DNAH10: variants seen among roughly 807,000 people sequenced by gnomAD.
DNAH10 encodes the protein dynein axonemal heavy chain 10.
Under a neutral mutation model 506.6 loss-of-function variants are expected in DNAH10, and 348 were observed. The ratio of observed to expected loss-of-function variants is 0.69; its 90% CI spans 0.63 to 0.75. DNAH10 has a LOEUF of 0.75. Among genes scored for constraint, DNAH10 ranks in the 30% least tolerant of loss-of-function variants. The pLI is 0.00. For synonymous variants in DNAH10, 2,059 were observed against 2,198.6 expected, an observed-to-expected ratio of 0.94 and a Z score of 1.78; for missense variants, 5,179 against 5,787.1, an observed-to-expected ratio of 0.89 and a Z score of 3.41.
chr12:123,873,506 C>G (rs1218357130), intron 45 of DNAH10, 52 bp from the exon 46 acceptor site: 1 of 1,559,666 alleles, frequency 6.4e-7, no homozygotes, highest in Non-Finnish European at 8.7e-7. Flanking sequence ...ATGTTTACTG[C>G]TGCTACCCTG....
chr12:123,896,140 CACACACACAGAG>C (rs1240159036), intron 54 of DNAH10, among the ~76,000 whole-genome samples: 5 of 114,102 alleles, frequency 4.4e-5, no homozygotes, highest in Admixed American at 8.6e-5. Flanking sequence ...CACACACACA[CACACACACAGAG>C]AGAGAGAGAG....
chr12:123,792,548 C>G (rs1958120554), intron 11 of DNAH10, among the ~76,000 whole-genome samples: 2 of 151,376 alleles, frequency 1.3e-5, no homozygotes. Flanking sequence ...CAACCTCTGC[C>G]TCCTGGGTTC....
Position 123,848,793 on chromosome 12 carries a change from A to G in DNAH10, c.6013A>G (p.Asn2005Asp). 1 of 1,613,966 alleles carries G rather than the reference A, an allele frequency of 6.2e-7. No homozygotes were observed. Among genetic ancestry groups the G allele is most frequent in the Non-Finnish European group, 8.5e-7 (1 of 1,179,886 alleles). ...CGAWGCFDEF[N>D]RIDASVLSVI... Reference sequence around the variant, plus strand: ...GGCTTGGGGCTGCTTTGATGAGTTTAATCGAATCGATGCTTCTGTGCTCTC... The same window carrying G: ...GGCTTGGGGCTGCTTTGATGAGTTTGATCGAATCGATGCTTCTGTGCTCTC... Residue 2005 changes from asparagine (N) to aspartate (D), a missense_variant, in exon 34 of 79, where the codon AAT becomes GAT. By Grantham distance (23) the Asn-to-Asp change is conservative (BLOSUM62 1). Transcript: ENST00000673944.
rs115644828 is a variant in DNAH10, at chr12:123,791,234, A to G, written c.1815+1113A>G. On this transcript the variant is annotated intron_variant, in intron 11 of 78. Coordinates refer to ENST00000673944, the MANE Select transcript of DNAH10 (RefSeq NM_001372106.1). Reference sequence around the variant, plus strand: ...GCTGCTTTGGACTGGGGAACAACAGAGAGTGGGGAGATGATACAGGAGGTG... The same window carrying G: ...GCTGCTTTGGACTGGGGAACAACAGGGAGTGGGGAGATGATACAGGAGGTG... Among the ~76,000 whole-genome samples, 1,000 of 152,282 alleles carry G rather than the reference A, an allele frequency of 6.6e-3. 19 individuals carry two copies. Among genetic ancestry groups the G allele is most frequent in the African/African-American group, 0.022 (932 of 41,544 alleles).
chr12:123,924,323 G>T lies in DNAH10; in HGVS notation c.11657G>T (p.Trp3886Leu), dbSNP rs535401177. ...EKSKRKKPCA[W>L]LSDQGWEDII... The stretch of plus-strand genomic sequence containing the variant: ...AGCAAAAGAAAAAAGCCCTGCGCTT[G>T]GTTGTCTGACCAAGGATGGGAAGAT... The change falls in exon 67 of 79, where the codon TGG becomes TTG. Residue 3886 changes from tryptophan to leucine, a missense_variant. Around this residue, in one of 3 missense-constraint regions of DNAH10, gnomAD observed 4,844 missense variants for 5,430.5 expected, o/e 0.89. Transcript: ENST00000673944. 8.4e-5 allele frequency: 135 copies of T among 1,613,016 alleles called. 2 individuals carry two copies. In the South Asian group the frequency reaches 1.3e-3, roughly 16 times the overall value.
intron 2 of DNAH10, 146 bp downstream of exon 2, chr12:123,767,835 G>A (rs1279243182): frequency 1.4e-6 from 1 of 689,898 alleles, no homozygotes; most frequent in Non-Finnish European, 2.5e-6. Flanking sequence ...TGAATAGACG[G>A]ATGTAGTAGT....
chr12:123,917,586 A>C lies in DNAH10; in HGVS notation c.11005A>C (p.Thr3669Pro). Residue 3669 changes from threonine (T) to proline (P), a missense_variant and splice_region_variant, in exon 64 of 79, where the codon ACG becomes CCG. Physicochemically the swap from Thr to Pro is conservative, Grantham distance 38 (BLOSUM62 -1). This residue lies in a region of DNAH10 where 4,844 missense variants were observed against 5,430.5 expected (regional missense o/e 0.89). Coordinates refer to ENST00000673944, the MANE Select transcript of DNAH10 (RefSeq NM_001372106.1). The surrounding 1 kb of genome is among the most constrained non-coding windows in gnomAD (Gnocchi z 5.6). ...GGGCCTCTCACTGTCCCCCACAGTC[A>C]CGCTGAAGGGCCTGGAGGACCAGCT... ...GKAMVINYTV[T>P]LKGLEDQLLS... The C allele has an allele frequency of 6.4e-7, 1 of 1,551,198 alleles. No homozygotes were observed. Among genetic ancestry groups the C allele is most frequent in the Non-Finnish European group, 8.7e-7 (1 of 1,146,968 alleles).
Position 123,813,243 on chromosome 12 carries a change from A to G in DNAH10, c.3224A>G (p.Asn1075Ser), listed in dbSNP as rs765171364. 3 of 1,614,108 alleles carry G rather than the reference A, an allele frequency of 1.9e-6. No homozygotes were observed. The African/African-American group carries it at 4.0e-5, about 22-fold the overall frequency. The change falls in exon 20 of 79, where the codon AAC becomes AGC. Residue 1075 changes from asparagine to serine, a missense_variant. Asn to Ser is a conservative substitution (Grantham distance 46, BLOSUM62 1). Coordinates refer to ENST00000673944, the MANE Select transcript of DNAH10 (RefSeq NM_001372106.1). ...GAGGAAGAGGAAGTTGTTATAATAA[A>G]CTTTTACAATGATATCTCTCTGAAC... ...KGEEEEVVII[N>S]FYNDISLNPQ...
intron 11 of DNAH10, among the ~76,000 whole-genome samples, chr12:123,793,091 A>G (rs1958142305): frequency 6.6e-6 from 1 of 152,156 alleles, no homozygotes; most frequent in South Asian, 2.1e-4. Flanking sequence ...TAATTTTTCT[A>G]GAACTAACCT....
Position 123,925,209 on chromosome 12 carries a change from G to A in DNAH10, c.11921+5G>A. On this transcript the variant is annotated splice_donor_5th_base_variant and intron_variant, in intron 68 of 78. Transcript: ENST00000673944. The surrounding 1 kb of genome is among the most constrained non-coding windows in gnomAD (Gnocchi z 4.0). ...GACTGTAACAATGGGAGAGAAGTAA[G>A]TGTGTCGTTTTGTTGATTTGCCACT... The A allele has an allele frequency of 1.2e-6, 2 of 1,613,886 alleles. No homozygotes were observed. Among genetic ancestry groups the A allele is most frequent in the Non-Finnish European group, 1.7e-6 (2 of 1,179,778 alleles).
intron 65 of DNAH10, 35 bp from the exon 66 acceptor site, chr12:123,923,728 T>A: frequency 6.7e-7 from 1 of 1,492,324 alleles, no homozygotes. Context: ...AAATGAATTT[T>A]AAGAAATCAA....
rs1242380689 is a variant in DNAH10 at position 123,857,245 on chromosome 12, C to T, written c.6628C>T (p.Gln2210Ter). 6.5e-7 allele frequency: 1 copy of T among 1,541,142 alleles called. No homozygotes were observed. The highest frequency in any genetic ancestry group is 8.8e-7 in the Non-Finnish European group (1 of 1,138,438). ...EENGYAVLPI[Q>*]VDKVVQMFET... ...GAACGGCTACGCGGTCCTACCCATC[C>T]AGGTAAAGCCAGGAAAATGACCTCA... Residue 2210 changes from glutamine (Q) to a stop codon, truncating the protein, a stop_gained and splice_region_variant, in exon 37 of 79, where the codon CAG (glutamine) becomes TAG (stop). Transcript: ENST00000673944. LOFTEE classifies it high-confidence loss of function.
In DNAH10 at chr12:123,846,610, TG is replaced by T. The variant is rs1180112103; in HGVS notation, c.5814+459del. ...ATAACACTTCCATCCAGGCAGAGCTTGGGAAGGTTTGCAAGCAACCCCCAAG... is the reference window on the plus strand; with the variant it reads ...ATAACACTTCCATCCAGGCAGAGCTTGGAAGGTTTGCAAGCAACCCCCAAG... On this transcript the variant is annotated intron_variant, in intron 32 of 78. Transcript: ENST00000673944. This position sits in a 1 kb window ranked among gnomAD's most constrained non-coding sequence, Gnocchi z 4.5. Among the ~76,000 whole-genome samples, 4 of 152,126 alleles carry T rather than the reference TG, an allele frequency of 2.6e-5. No individual in the cohort carries two copies. Among genetic ancestry groups the T allele is most frequent in the African/African-American group, 7.2e-5 (3 of 41,428 alleles).
rs1025719004 is a variant in DNAH10, at chr12:123,913,878, T to G, written c.10353-451T>G. ...GTTGTTTGCGTGTGGGAAACAATTT[T>G]CAGTATTTCTTAAACCTAAGTCTTG... On this transcript the variant is annotated intron_variant, in intron 60 of 78. Transcript: ENST00000673944. This position sits in a 1 kb window ranked among gnomAD's most constrained non-coding sequence, Gnocchi z 5.1. Among the ~76,000 whole-genome samples, 1 of 152,226 alleles carries G rather than the reference T, an allele frequency of 6.6e-6. No individual in the cohort carries two copies. The highest frequency in any genetic ancestry group is 2.4e-5 in the African/African-American group (1 of 41,464).
chr12:123,765,610 A>G (rs1010336720), intron 1 of DNAH10, among the ~76,000 whole-genome samples: 3 of 150,250 alleles, frequency 2.0e-5, no homozygotes, highest in Non-Finnish European at 4.4e-5. Context: ...ACATACCTCT[A>G]TCTATACATC....
chr12:123,807,759 AGG>A (rs1958736080), intron 18 of DNAH10, among the ~76,000 whole-genome samples: 1 of 142,544 alleles, frequency 7.0e-6, no homozygotes. Flanking sequence ...AGAGAGAAAC[AGG>A]GAGAGGGATC....
chr12:123,913,427 G>T lies in DNAH10; in HGVS notation c.10352+112G>T. The T allele has an allele frequency of 8.6e-7, 1 of 1,158,852 alleles. No individual in the cohort carries two copies. The allele number at this position is 1,158,852 out of a possible 1,614,324, so 71.8% of individuals were successfully genotyped here. Reference sequence around the variant, plus strand: ...CGTTGTGTTTTTATGTGAAAACCATGTGACCAGGTCTTATGTTCCTATTAT... The same window carrying T: ...CGTTGTGTTTTTATGTGAAAACCATTTGACCAGGTCTTATGTTCCTATTAT... On this transcript the variant is annotated intron_variant, in intron 60 of 78. Coordinates refer to ENST00000673944, the MANE Select transcript of DNAH10 (RefSeq NM_001372106.1). The surrounding 1 kb of genome is among the most constrained non-coding windows in gnomAD (Gnocchi z 5.1).
chr12:123,914,410 C>A lies in DNAH10; in HGVS notation c.10434C>A (p.Ser3478Arg), dbSNP rs1037621919. 13 of 1,613,606 alleles carry A rather than the reference C, an allele frequency of 8.1e-6. No individual in the cohort carries two copies. In the Admixed American group the frequency reaches 1.0e-4, roughly 12 times the overall value. Residue 3478 changes from serine (S) to arginine (R), a missense_variant, in exon 61 of 79, where the codon AGC (serine) becomes AGA (arginine). Ser to Arg is a moderately radical substitution (Grantham distance 110). Around this residue, in one of 3 missense-constraint regions of DNAH10, gnomAD observed 4,844 missense variants for 5,430.5 expected, o/e 0.89. Transcript: ENST00000673944. ...GCCTGCTCTGCGCGGCTTTCCTCAG[C>A]TACGAGGGAGCCTTCACCTGGGAGT... Reference protein sequence around the residue: ...GDCLLCAAFLSYEGAFTWEFR... With the variant: ...GDCLLCAAFLRYEGAFTWEFR...
chr12:123,877,744 TGA>T lies in DNAH10; in HGVS notation c.8212_8213del (p.Ser2738HisfsTer44). The T allele has an allele frequency of 1.2e-6, 2 of 1,612,980 alleles. No homozygotes were observed. The highest frequency in any genetic ancestry group is 1.7e-6 in the Non-Finnish European group (2 of 1,179,494). Reference sequence around the variant, plus strand: ...GTCTTTGCATTTTTCAGACGTTTCATGAGAGCATTGTGGCTGTGAGTGGCAAG... The same window carrying T: ...GTCTTTGCATTTTTCAGACGTTTCATGAGCATTGTGGCTGTGAGTGGCAAG... ...ILKGHTSTFH[E>X]SIVAVSGKLT... On this transcript the variant is annotated frameshift_variant, in exon 48 of 79. Transcript: ENST00000673944. LOFTEE classifies it high-confidence loss of function.
Sources: allele counts gnomAD v4.1 joint callset (sites outside exome capture counted in the v4.1 genomes callset), GRCh38; gene constraint gnomAD v4.1.1; regional missense constraint gnomAD v4.1.1; non-coding constraint Gnocchi (gnomAD v3.1); transcripts MANE v1.5; gene names NCBI Gene and HGNC (gene_info 2026-07-23, HGNC 2026-07-21).